The following NMT2 variants were observed in gnomAD, a reference collection of about 807,000 sequenced individuals.
NMT2 encodes the protein glycylpeptide N-tetradecanoyltransferase 2.
A neutral mutation model predicts 65.4 loss-of-function variants in NMT2; 35 were observed. That is an observed-to-expected ratio of 0.54 (90% confidence interval 0.41 to 0.71). The LOEUF (loss-of-function observed/expected upper bound fraction) is 0.71, where lower values mean the gene tolerates loss of function less well. Ranked by LOEUF, NMT2 falls within the 30% of genes least tolerant of loss-of-function variation. The probability of loss-of-function intolerance (pLI) is 0.00; values close to 1 mark genes in which losing one functional copy is unlikely to be tolerated. For missense variants in NMT2, 489 were observed against 611.3 expected (o/e 0.80, Z 2.11); for synonymous variants, 226 against 231.8 (o/e 0.98, Z 0.23).
intron 1 of NMT2, chr10:15,154,983 C>A: frequency 1.7e-6 from 2 of 1,159,808 alleles, no homozygotes; most frequent in Non-Finnish European, 2.6e-6. Context: ...TGTGTTGGGT[C>A]CAGCATTTGC....
At chr10:15,138,004 C>CTTTTTTTTTTTTTT (rs374744946) in intron 2 of NMT2, among the ~76,000 whole-genome samples, 4 of 128,138 alleles carry the variant, frequency 3.1e-5, no homozygotes, top group African/African-American at 8.7e-5. Context: ...TCTTCTTCTT[C>CTTTTTTTTTTTTTT]TTTTTTTTTT....
intron 10 of NMT2, among the ~76,000 whole-genome samples, chr10:15,112,576 G>A (rs1016401300): frequency 2.6e-5 from 4 of 151,778 alleles, no homozygotes; most frequent in African/African-American, 9.7e-5. Flanking sequence ...TGTACATTTT[G>A]TCTTTTTTGT....
Position 15,109,867 on chromosome 10 carries a change from T to A in NMT2, c.1339-28A>T. On this transcript the variant is annotated intron_variant, in intron 10 of 11. Coordinates refer to ENST00000378165, the MANE Select transcript of NMT2 (RefSeq NM_004808.3). ...GCCAATTTAAAAAAGATTTAAAATT[T>A]AAAACAAAGGACTAGTGTTTTCTGT... The A allele has an allele frequency of 1.9e-6, 3 of 1,575,582 alleles. No individual in the cohort carries two copies. The East Asian group carries it at 6.8e-5, about 35-fold the overall frequency.
chr10:15,108,553 G>C lies in NMT2; in HGVS notation c.*642C>G. On this transcript the variant is annotated 3_prime_UTR_variant, in exon 12 of 12. Transcript: ENST00000378165. The stretch of plus-strand genomic sequence containing the variant: ...TGCTTTTGAAGCAATCCACTGACCT[G>C]GTAAAGATCAAAGTACAAACTTGCA... 2 of 985,924 alleles carry C rather than the reference G, an allele frequency of 2.0e-6. No individual in the cohort carries two copies. Among genetic ancestry groups the C allele is most frequent in the Middle Eastern group, 5.2e-4 (1 of 1,914 alleles). The allele number at this position is 985,924 out of a possible 1,614,324, so 61.1% of individuals were successfully genotyped here. A position where few individuals can be genotyped will look rare whatever the true frequency, so the allele number is the denominator to read the frequency against.
intron 3 of NMT2, 139 bp downstream of exon 3, chr10:15,135,135 G>C: frequency 1.1e-6 from 1 of 897,242 alleles, no homozygotes; most frequent in Non-Finnish European, 1.8e-6. Flanking sequence ...GTCTTGCATA[G>C]ATTTCCAATC....
At chr10:15,164,642 T>C (rs1038161537) in intron 1 of NMT2, among the ~76,000 whole-genome samples, 8 of 152,134 alleles carry the variant, frequency 5.3e-5, no homozygotes, top group African/African-American at 1.7e-4. Context: ...CCAAAGCCCT[T>C]CAGAAGAAAG....
chr10:15,164,620 T>C (rs777373583), intron 1 of NMT2, among the ~76,000 whole-genome samples: 5 of 152,220 alleles, frequency 3.3e-5, no homozygotes, highest in Non-Finnish European at 7.3e-5. Flanking sequence ...ATTTGGCCTG[T>C]CCTCAATGTC....
At position 15,112,382 on chromosome 10, in the gene NMT2, C is replaced by T. The variant is rs553931409; in HGVS notation, c.1338+414G>A. Reference sequence around the variant, plus strand: ...TAGCTGGGATTACAGGCACACACCACGAAGCCTGGCTAACTTTTGTATTTT... The same window carrying T: ...TAGCTGGGATTACAGGCACACACCATGAAGCCTGGCTAACTTTTGTATTTT... On this transcript the variant is annotated intron_variant, in intron 10 of 11. Coordinates refer to ENST00000378165, the MANE Select transcript of NMT2 (RefSeq NM_004808.3). Among the ~76,000 whole-genome samples the T allele has an allele frequency of 6.5e-4, 97 of 150,182 alleles. 1 individual carries two copies. In the Middle Eastern group the frequency reaches 0.017, roughly 27 times the overall value.
intron 7 of NMT2, 46 bp from the exon 8 acceptor site, chr10:15,128,504 A>G (rs2131532688): frequency 8.6e-7 from 1 of 1,162,326 alleles, no homozygotes; most frequent in Non-Finnish European, 1.3e-6. Flanking sequence ...TTCTAACTCT[A>G]CAAGTTTTCA....
chr10:15,106,724 C>T lies in NMT2; in HGVS notation c.*2471G>A, dbSNP rs1191251002. On this transcript the variant is annotated 3_prime_UTR_variant, in exon 12 of 12. Transcript: ENST00000378165. ...CTGTAAAAGACCAGAGAGTGAATAT[C>T]TTAGGCTTTGCAGGCCACACAATCT... 1 of 889,516 alleles carries T rather than the reference C, an allele frequency of 1.1e-6. No homozygotes were observed. The highest frequency in any genetic ancestry group is 1.3e-6 in the Non-Finnish European group (1 of 742,590). The allele number at this position is 889,516 out of a possible 1,614,324, so 55.1% of individuals were successfully genotyped here. A position where few individuals can be genotyped will look rare whatever the true frequency, so the allele number is the denominator to read the frequency against.
intron 8 of NMT2, among the ~76,000 whole-genome samples, chr10:15,122,928 A>G (rs1845970615): frequency 6.7e-6 from 1 of 150,272 alleles, no homozygotes; most frequent in Admixed American, 6.6e-5. Flanking sequence ...TATTATGAAA[A>G]TAGTTAAAAA....
At chr10:15,121,218 A>G (rs1001311188) in intron 8 of NMT2, among the ~76,000 whole-genome samples, 2 of 152,130 alleles carry the variant, frequency 1.3e-5, no homozygotes, top group Non-Finnish European at 2.9e-5. Flanking sequence ...AAATATTGCT[A>G]CTCTACTTTT....
intron 1 of NMT2, among the ~76,000 whole-genome samples, chr10:15,157,166 G>T (rs771823562): frequency 8.5e-5 from 13 of 152,128 alleles, no homozygotes; most frequent in Admixed American, 2.0e-4. Flanking sequence ...CACAGCTACG[G>T]AAATAAAGAA....
intron 2 of NMT2, among the ~76,000 whole-genome samples, chr10:15,136,858 C>G (rs571101179): frequency 4.7e-5 from 7 of 149,362 alleles, no homozygotes; most frequent in Non-Finnish European, 8.9e-5. Flanking sequence ...CCTCAAATAA[C>G]GTAATAATAC....
intron 6 of NMT2, among the ~76,000 whole-genome samples, chr10:15,132,049 G>C (rs1846303933): frequency 6.6e-6 from 1 of 152,046 alleles, no homozygotes; most frequent in Non-Finnish European, 1.5e-5. Context: ...ATTTTTAGTA[G>C]AGATGGGGTT....
intron 1 of NMT2, among the ~76,000 whole-genome samples, chr10:15,151,073 T>C (rs1478803632): frequency 6.6e-6 from 1 of 151,898 alleles, no homozygotes; most frequent in Admixed American, 6.6e-5. Flanking sequence ...TTTTTTTTTT[T>C]TGGAGACGGA....
intron 3 of NMT2, 82 bp downstream of exon 3, chr10:15,135,192 T>TTTG (rs574625256): frequency 0.11 from 139,375 of 1,245,812 alleles, 4,900 homozygotes; most frequent in Admixed American, 0.22. Flanking sequence ...CTCTTTGTGT[T>TTTG]TTGTTGTTGT....
At chr10:15,154,802 G>T (rs748304823) in intron 1 of NMT2, 4 of 759,192 alleles carry the variant, frequency 5.3e-6, no homozygotes, top group Non-Finnish European at 9.2e-6. Context: ...AAACTTATTA[G>T]AGTTGTCCAC....
chr10:15,119,212 C>T, intron 9 of NMT2, 131 bp downstream of exon 9: 2 of 804,810 alleles, frequency 2.5e-6, no homozygotes, highest in South Asian at 3.4e-5. Context: ...TATTAACTCT[C>T]TACCCTTTAG....
Sources: allele counts gnomAD v4.1 joint callset (sites outside exome capture counted in the v4.1 genomes callset), GRCh38; gene constraint gnomAD v4.1.1; transcripts MANE v1.5; gene names NCBI Gene and HGNC (gene_info 2026-07-23, HGNC 2026-07-21).